MEI4: variants seen among roughly 807,000 people sequenced by gnomAD.
The protein encoded by MEI4 is meiosis-specific protein MEI4.
MEI4 carries 27 observed loss-of-function variants against 31.4 expected under a neutral mutation model. The ratio of observed to expected loss-of-function variants is 0.86; its 90% CI spans 0.63 to 1.19. The LOEUF (loss-of-function observed/expected upper bound fraction) is 1.19, where lower values mean the gene tolerates loss of function less well. Ranked by LOEUF, MEI4 falls within the 50% of genes most tolerant of loss-of-function variation. The pLI, the probability that MEI4 is intolerant of heterozygous loss-of-function variation, is 0.00. For missense variants in MEI4, 329 were observed against 398.9 expected, an observed-to-expected ratio of 0.82 and a Z score of 1.49; for synonymous variants, 122 against 145.4, an observed-to-expected ratio of 0.84 and a Z score of 1.16.
chr6:77,829,041 T>C lies in MEI4; in HGVS notation c.879T>C (p.Asp293=). ...TATCAGAAGTAAATGGCTTTGCTGA[T>C]GATCTGGGAGCCATCAATCAGGTAC... ...LLLSEVNGFA[D]DLGAINQEQA... Residue 293 remains aspartate (D), a synonymous_variant, in exon 4 of 5, where the codon GAT becomes GAC. Coordinates refer to ENST00000684080, the MANE Select transcript of MEI4 (RefSeq NM_001322247.2). The C allele has an allele frequency of 8.1e-7, 1 of 1,231,976 alleles. No individual in the cohort carries two copies. Among genetic ancestry groups the C allele is most frequent in the Middle Eastern group, 3.1e-4 (1 of 3,204 alleles). 76.3% of individuals were successfully genotyped at this position (1,231,976 alleles called of 1,614,324 possible).
intron 2 of MEI4, among the ~76,000 whole-genome samples, chr6:77,758,625 CT>C (rs1265458650): frequency 6.6e-6 from 1 of 152,122 alleles, no homozygotes; most frequent in Non-Finnish European, 1.5e-5. Context: ...CAACCCTATA[CT>C]TTTTCATTCT....
At chr6:77,761,068 T>G in intron 2 of MEI4, 62 bp from the exon 3 acceptor site, 1 of 1,084,024 alleles carries the variant, frequency 9.2e-7, no homozygotes, top group Non-Finnish European at 1.2e-6. Context: ...TATCAATGGC[T>G]AGTTTTACAT....
intron 4 of MEI4, among the ~76,000 whole-genome samples, chr6:77,837,793 T>G (rs1770257512): frequency 6.6e-6 from 1 of 152,224 alleles, no homozygotes; most frequent in African/African-American, 2.4e-5. Flanking sequence ...AAGTGTGTGT[T>G]ATGATTTTAA....
rs565132686 is a variant in MEI4, at chr6:77,885,325, A to G, written c.901-37764A>G. Among the ~76,000 whole-genome samples, 154 of 152,072 alleles carry G rather than the reference A, an allele frequency of 1.0e-3. 1 individual carries two copies. The highest frequency in any genetic ancestry group is 3.5e-3 in the African/African-American group (147 of 41,434). On this transcript the variant is annotated intron_variant, in intron 4 of 4. Coordinates refer to ENST00000684080, the MANE Select transcript of MEI4 (RefSeq NM_001322247.2). ...TTTGGCCTCCCAGGTAGTTGGGACT[A>G]CAGGTATGCACCACCATGCCCAGCT...
At chr6:77,862,462 G>C (rs980177349) in intron 4 of MEI4, among the ~76,000 whole-genome samples, 1 of 152,218 alleles carries the variant, frequency 6.6e-6, no homozygotes, top group Non-Finnish European at 1.5e-5. Flanking sequence ...TATGCCCATG[G>C]AGCCTTGCTC....
chr6:77,867,867 C>A (rs1414519665), intron 4 of MEI4, among the ~76,000 whole-genome samples: 1 of 152,108 alleles, frequency 6.6e-6, no homozygotes. Flanking sequence ...CACATATGCA[C>A]CATGGAATAC....
At chr6:77,719,074 T>G (rs1192762270) in intron 2 of MEI4, among the ~76,000 whole-genome samples, 1 of 136,440 alleles carries the variant, frequency 7.3e-6, no homozygotes, top group Non-Finnish European at 1.6e-5. Flanking sequence ...AACTTTCTGT[T>G]AAGTCGCTAT....
intron 3 of MEI4, among the ~76,000 whole-genome samples, chr6:77,803,400 C>A (rs1241366170): frequency 6.6e-6 from 1 of 152,018 alleles, no homozygotes; most frequent in Non-Finnish European, 1.5e-5. Flanking sequence ...TTTTTAACTT[C>A]CTTGCCATGG....
At chr6:77,701,668 C>T (rs975347942) in intron 2 of MEI4, among the ~76,000 whole-genome samples, 4 of 151,436 alleles carry the variant, frequency 2.6e-5, no homozygotes, top group African/African-American at 9.7e-5. Flanking sequence ...AAATCATAGG[C>T]TACAGGATGA....
At chr6:77,904,000 C>G (rs1247122828) in intron 4 of MEI4, among the ~76,000 whole-genome samples, 1 of 152,060 alleles carries the variant, frequency 6.6e-6, no homozygotes, top group Non-Finnish European at 1.5e-5. Context: ...TATTTTTTAT[C>G]CATTCAGCCA....
intron 3 of MEI4, among the ~76,000 whole-genome samples, chr6:77,798,629 C>A (rs1769154160): frequency 6.9e-6 from 1 of 145,160 alleles, no homozygotes; most frequent in Non-Finnish European, 1.5e-5. Flanking sequence ...TCTCCTAAAG[C>A]TATCCCTCCC....
chr6:77,793,427 A>G (rs1378580158), intron 3 of MEI4, among the ~76,000 whole-genome samples: 3 of 152,344 alleles, frequency 2.0e-5, no homozygotes, highest in Admixed American at 2.0e-4. Context: ...GACACTAAAT[A>G]ACAAGATGAA....
intron 2 of MEI4, among the ~76,000 whole-genome samples, chr6:77,755,730 A>G (rs993130807): frequency 2.0e-5 from 3 of 152,150 alleles, no homozygotes; most frequent in East Asian, 3.9e-4. Flanking sequence ...ACTTTTGGTT[A>G]TGATTGCATA....
chr6:77,907,997 T>G (rs1372722410), intron 4 of MEI4, among the ~76,000 whole-genome samples: 1 of 151,602 alleles, frequency 6.6e-6, no homozygotes, highest in Non-Finnish European at 1.5e-5. Flanking sequence ...GATGGGGTTT[T>G]TTTTTTTTTC....
chr6:77,770,066 A>C (rs1768273989), intron 3 of MEI4, among the ~76,000 whole-genome samples: 1 of 151,976 alleles, frequency 6.6e-6, no homozygotes, highest in Non-Finnish European at 1.5e-5. Flanking sequence ...AAACAAAATC[A>C]AAAAACCTTT....
At chr6:77,667,124 T>A (rs1043679800) in intron 1 of MEI4, among the ~76,000 whole-genome samples, 2 of 152,224 alleles carry the variant, frequency 1.3e-5, no homozygotes, top group Non-Finnish European at 2.9e-5. Context: ...CTTCTCTGAA[T>A]TTTAATTTCC....
chr6:77,809,140 TACTC>T (rs1370365789), intron 3 of MEI4, among the ~76,000 whole-genome samples: 21 of 152,334 alleles, frequency 1.4e-4, no homozygotes, highest in African/African-American at 4.1e-4. Flanking sequence ...TTTATTTACT[TACTC>T]AACATAATTA....
chr6:77,872,061 T>C (rs1771207865), intron 4 of MEI4, among the ~76,000 whole-genome samples: 1 of 152,194 alleles, frequency 6.6e-6, no homozygotes, highest in African/African-American at 2.4e-5. Flanking sequence ...CATTAAATTA[T>C]AGTAATATAA....
At chr6:77,863,472 A>G (rs945269960) in intron 4 of MEI4, among the ~76,000 whole-genome samples, 26 of 152,222 alleles carry the variant, frequency 1.7e-4, no homozygotes, top group African/African-American at 6.0e-4. Context: ...CAACTGGAAG[A>G]AAGGGTATCA....
Sources: gnomAD v4.1 joint callset for allele counts (sites outside exome capture counted in the v4.1 genomes callset) on GRCh38, gnomAD v4.1.1 for gene constraint, MANE v1.5 for transcripts, NCBI Gene and HGNC (gene_info 2026-07-23, HGNC 2026-07-21) for gene names.